FAM53A: variants seen among roughly 807,000 people sequenced by gnomAD.
FAM53A encodes the protein family with sequence similarity 53 member A, also known as protein FAM53A.
FAM53A carries 28 observed loss-of-function variants against 26.6 expected under a neutral mutation model. The observed-to-expected ratio is 1.05, with a 90% CI of 0.78 to 1.45. The LOEUF (loss-of-function observed/expected upper bound fraction) is 1.45, where lower values mean the gene tolerates loss of function less well. Among genes scored for constraint, FAM53A ranks in the 40% most tolerant of loss-of-function variants. FAM53A has a pLI of 0.00. For missense variants in FAM53A, 650 were observed against 575.8 expected (o/e 1.13, Z -1.32); for synonymous variants, 290 against 253.1 (o/e 1.15, Z -1.38).
chr4:1,614,706 C>T (rs1291787602), downstream of FAM53A, among the ~76,000 whole-genome samples: 2 of 152,134 alleles, frequency 1.3e-5, no homozygotes, highest in African/African-American at 4.8e-5. Context: ...CTGCCGCCTC[C>T]GGTCACAACA....
chr4:1,617,068 C>T (rs996273035), downstream of FAM53A, among the ~76,000 whole-genome samples: 2 of 120,522 alleles, frequency 1.7e-5, no homozygotes, highest in African/African-American at 3.3e-5. Flanking sequence ...ACCCAGAGGG[C>T]GGAGGTTGCA....
At chr4:1,580,363 C>G in the FAM53A span, 8 of 152,384 alleles carry the variant, frequency 5.2e-5, no homozygotes, top group African/African-American at 1.7e-4. Flanking sequence ...AGCAGCCATA[C>G]CCCGCGGGCC....
intron 1 of FAM53A, among the ~76,000 whole-genome samples, chr4:1,681,707 T>C (rs568748640): frequency 6.6e-6 from 1 of 151,832 alleles, no homozygotes; most frequent in Non-Finnish European, 1.5e-5. Context: ...CTCACTATGT[T>C]GCCCAGGCTG....
intron 1 of FAM53A, among the ~76,000 whole-genome samples, chr4:1,673,529 C>T (rs1022079148): frequency 6.6e-6 from 1 of 152,128 alleles, no homozygotes; most frequent in African/African-American, 2.4e-5. Flanking sequence ...GTCAGGAGAT[C>T]GAGACCAACC....
At chr4:1,644,092 A>G in intron 4 of FAM53A, 3 of 1,452,126 alleles carry the variant, frequency 2.1e-6, no homozygotes, top group Non-Finnish European at 2.7e-6. Flanking sequence ...GACCTTGCAG[A>G]CTCTGGCTGC....
At chr4:1,631,402 C>A (rs2108774783) in intron 1 of FAM53A, among the ~76,000 whole-genome samples, 1 of 152,360 alleles carries the variant, frequency 6.6e-6, no homozygotes, top group East Asian at 1.9e-4. Context: ...CAGGCCGTTC[C>A]CACACATGCT....
the FAM53A span, among the ~76,000 whole-genome samples, chr4:1,606,235 C>T: frequency 4.0e-5 from 6 of 151,280 alleles, no homozygotes; most frequent in African/African-American, 7.3e-5. Context: ...TTAGTAGAGA[C>T]AGGGTTTCAC....
the FAM53A span, among the ~76,000 whole-genome samples, chr4:1,606,811 C>T: frequency 3.3e-5 from 5 of 152,222 alleles, no homozygotes; most frequent in African/African-American, 4.8e-5. Context: ...GCTGTGAATG[C>T]GGGTGCAGCT....
the FAM53A span, among the ~76,000 whole-genome samples, chr4:1,595,441 G>A: frequency 6.6e-6 from 1 of 152,326 alleles, no homozygotes; most frequent in African/African-American, 2.4e-5. Context: ...CACAGGCCGG[G>A]GACAGCAGGG....
chr4:1,606,614 G>A, the FAM53A span, among the ~76,000 whole-genome samples: 22 of 152,332 alleles, frequency 1.4e-4, no homozygotes, highest in African/African-American at 5.3e-4. Flanking sequence ...TATGTGGGAC[G>A]GGTCCTCTGA....
intron 4 of FAM53A, among the ~76,000 whole-genome samples, chr4:1,653,983 T>G (rs1713100432): frequency 6.6e-6 from 1 of 152,050 alleles, no homozygotes; most frequent in African/African-American, 2.4e-5. Flanking sequence ...TCCACCCACA[T>G]CTACAGCCCC....
intron 4 of FAM53A, among the ~76,000 whole-genome samples, chr4:1,649,790 C>T (rs1420890969): frequency 1.3e-5 from 2 of 152,252 alleles, no homozygotes; most frequent in African/African-American, 4.8e-5. Flanking sequence ...TCCCCATCGG[C>T]CTCCGGGACC....
rs745369583 is a variant in FAM53A at position 1,655,092 on chromosome 4, G to A, written c.768C>T (p.Leu256=). Residue 256 remains leucine (L), a synonymous_variant, in exon 4 of 5, where the codon CTC becomes CTT. Coordinates refer to ENST00000308132, the MANE Select transcript of FAM53A (RefSeq NM_001174070.3). ...GCACGCAAGGCTGTGAGCGGCACCG[G>A]AGCAGCCCACGGCGCCCGCCCAGCG... ...TPALGGRRGL[L]RCRSQPCVLS... The A allele has an allele frequency of 6.2e-7, 1 of 1,602,136 alleles. No homozygotes were observed. The highest frequency in any genetic ancestry group is 8.5e-7 in the Non-Finnish European group (1 of 1,174,322).
intron 1 of FAM53A, among the ~76,000 whole-genome samples, chr4:1,676,132 A>G (rs1195420879): frequency 6.6e-6 from 1 of 152,234 alleles, no homozygotes; most frequent in African/African-American, 2.4e-5. Flanking sequence ...CAAGAATCAC[A>G]AAGTGGTGGC....
intron 3 of FAM53A, 64 bp from the exon 4 acceptor site, chr4:1,655,787 A>G (rs2108911552): frequency 6.9e-7 from 1 of 1,447,856 alleles, no homozygotes; most frequent in Non-Finnish European, 9.0e-7. Flanking sequence ...GGCGACATCC[A>G]TCCCGGCAAA....
chr4:1,634,113 G>C (rs977198761), intron 1 of FAM53A, among the ~76,000 whole-genome samples: 1 of 152,138 alleles, frequency 6.6e-6, no homozygotes. Context: ...TGAGGGAACC[G>C]GGGCCTCTTC....
chr4:1,659,194 G>C lies in FAM53A; in HGVS notation c.76-1726C>G, dbSNP rs1713642687. 6.6e-6 allele frequency among the ~76,000 whole-genome samples: 1 copy of C among 152,212 alleles called. No homozygotes were observed. The highest frequency in any genetic ancestry group is 2.1e-4 in the South Asian group (1 of 4,826). On this transcript the variant is annotated intron_variant, in intron 2 of 4. Coordinates refer to ENST00000308132, the MANE Select transcript of FAM53A (RefSeq NM_001174070.3). The surrounding 1 kb of genome is among the most constrained non-coding windows in gnomAD (Gnocchi z 5.2). ...CACCATGAGGACAGGGCCTGGTGCG[G>C]GCCCGGGAACCACACGACCTCCAGG...
At chr4:1,684,592 C>A (rs886405731), upstream of FAM53A, among the ~76,000 whole-genome samples, 1 of 151,742 alleles carries the variant, frequency 6.6e-6, no homozygotes, top group Non-Finnish European at 1.5e-5. Context: ...TCCTCCAGGC[C>A]TAGAAGGCAA....
chr4:1,627,397 C>T (rs918609645), intron 1 of FAM53A, among the ~76,000 whole-genome samples: 7 of 152,206 alleles, frequency 4.6e-5, no homozygotes, highest in Non-Finnish European at 7.3e-5. Context: ...GATACACCTC[C>T]CGGAATGTTT....
Sources: gnomAD v4.1 joint callset for allele counts (sites outside exome capture counted in the v4.1 genomes callset) on GRCh38, gnomAD v4.1.1 for gene constraint, Gnocchi (gnomAD v3.1) non-coding constraint, MANE v1.5 for transcripts, NCBI Gene and HGNC (gene_info 2026-07-23, HGNC 2026-07-21) for gene names.